Variants in C18orf54 observed in about 807,000 individuals in gnomAD.
C18orf54 encodes the protein lung adenoma susceptibility protein 2.
In C18orf54, 49 loss-of-function variants were observed where a neutral mutation model predicts 49.3. That is an observed-to-expected ratio of 0.99 (90% CI 0.79 to 1.26). The LOEUF is 1.26. Ranked by LOEUF, C18orf54 falls within the 50% of genes most tolerant of loss-of-function variation. C18orf54 has a pLI of 0.00. For synonymous variants in C18orf54, 211 were observed against 216.6 expected, an observed-to-expected ratio of 0.97 and a Z score of 0.23; for missense variants, 687 against 620.6, an observed-to-expected ratio of 1.11 and a Z score of -1.14.
intron 7 of C18orf54, 92 bp downstream of exon 7, chr18:54,372,689 G>A: frequency 8.2e-7 from 1 of 1,219,334 alleles, no homozygotes; most frequent in Non-Finnish European, 1.1e-6. Flanking sequence ...ATAGTTTTAT[G>A]TTAGTAAGCA....
chr18:54,361,465 C>T lies in C18orf54; in HGVS notation c.284-178C>T, dbSNP rs140970674. Among the ~76,000 whole-genome samples the T allele has an allele frequency of 9.3e-4, 141 of 152,132 alleles. 3 individuals carry two copies. The South Asian group carries it at 0.021, about 23-fold the overall frequency. On this transcript the variant is annotated intron_variant, in intron 3 of 8. Transcript: ENST00000620105. ...TAGAAATTAACACAGAACGAAGAAT[C>T]GTGAGAAAAAAAGCACATCCTGTTT...
intron 7 of C18orf54, 84 bp from the exon 8 acceptor site, chr18:54,374,130 T>C: frequency 9.3e-7 from 1 of 1,071,446 alleles, no homozygotes; most frequent in Non-Finnish European, 1.3e-6. Context: ...TATTTTTTAA[T>C]GTTTTAATCA....
In C18orf54 at chr18:54,368,171, C is replaced by T. The variant is rs547286728; in HGVS notation, c.1326+2350C>T. On this transcript the variant is annotated intron_variant, in intron 6 of 8. Transcript: ENST00000620105. ...ACATGATTTTGAATTCTTTTTCCAC[C>T]CATTTGCTGATTTCCTTTTCATTGG... 2.7e-3 allele frequency among the ~76,000 whole-genome samples: 404 copies of T among 151,678 alleles called. 4 individuals are homozygous for T. The highest frequency in any genetic ancestry group is 9.5e-3 in the African/African-American group (392 of 41,376).
chr18:54,376,079 C>A (rs998235147), intron 8 of C18orf54, among the ~76,000 whole-genome samples: 1 of 152,138 alleles, frequency 6.6e-6, no homozygotes, highest in African/African-American at 2.4e-5. Context: ...CAAAATATTT[C>A]AAAAGTTACT....
chr18:54,362,577 A>G, intron 4 of C18orf54, 146 bp downstream of exon 4: 1 of 895,556 alleles, frequency 1.1e-6, no homozygotes, highest in Non-Finnish European at 1.6e-6. Context: ...ATCTTCACAT[A>G]CAGCATTTTG....
intron 5 of C18orf54, chr18:54,363,858 G>A (rs1787835): frequency 0.8 from 121,760 of 151,544 alleles, 49,605 homozygotes; most frequent in African/African-American, 0.95. Flanking sequence ...CAGAATGTAG[G>A]CATTGACTAT....
Position 54,379,992 on chromosome 18 carries a change from C to T in C18orf54, c.*1746C>T, listed in dbSNP as rs960948562. The T allele has an allele frequency of 6.6e-6, 1 of 151,996 alleles. No individual in the cohort carries two copies. The highest frequency in any genetic ancestry group is 2.4e-5 in the African/African-American group (1 of 41,420). 9.4% of individuals were successfully genotyped at this position (151,996 alleles called of 1,614,324 possible). ...ATCTTATAGCCAGTATTTTAAGAAA[C>T]TTGATTATACTTACCAAAGGAACAT... On this transcript the variant is annotated 3_prime_UTR_variant, in exon 9 of 9. Coordinates refer to ENST00000620105, the MANE Select transcript of C18orf54 (RefSeq NM_001288980.2).
rs397802611 is a variant in C18orf54, at chr18:54,379,517, T to TG, written c.*1272dup. 2 of 150,822 alleles carry TG rather than the reference T, an allele frequency of 1.3e-5. No homozygotes were observed. The highest frequency in any genetic ancestry group is 4.9e-5 in the African/African-American group (2 of 41,200). The allele number at this position is 150,822 out of a possible 1,614,324, so 9.3% of individuals were successfully genotyped here. A position where few individuals can be genotyped will look rare whatever the true frequency, so the allele number is the denominator to read the frequency against. ...CTGTGGGGTTTTTTTTTTTTTTTTT[T>TG]GCCCGTGAGTTTTTTACCATGCTGC... On this transcript the variant is annotated 3_prime_UTR_variant, in exon 9 of 9. Coordinates refer to ENST00000620105, the MANE Select transcript of C18orf54 (RefSeq NM_001288980.2).
chr18:54,372,469 T>C lies in C18orf54; in HGVS notation c.1330T>C (p.Cys444Arg). The stretch of plus-strand genomic sequence containing the variant: ...CTATCATCTGTTTTAACCTTAGAGC[T>C]GTACTCTCTCTGGAGGCAAACATCA... ...EDFLNNDNQSCTLSGGKHHGP... is the reference protein window; with the variant it reads ...EDFLNNDNQSRTLSGGKHHGP... The change falls in exon 7 of 9, where the codon TGT becomes CGT. Residue 444 changes from cysteine to arginine, a missense_variant. Physicochemically the swap from Cys to Arg is radical, Grantham distance 180. Coordinates refer to ENST00000620105, the MANE Select transcript of C18orf54 (RefSeq NM_001288980.2). 6.2e-7 allele frequency: 1 copy of C among 1,604,408 alleles called. No individual in the cohort carries two copies. The highest frequency in any genetic ancestry group is 2.2e-5 in the East Asian group (1 of 44,714).
At chr18:54,372,672 C>A (rs1441677251) in intron 7 of C18orf54, 75 bp downstream of exon 7, 2 of 1,352,706 alleles carry the variant, frequency 1.5e-6, no homozygotes, top group Admixed American at 2.1e-5. Context: ...TTTTAATAGA[C>A]CTACTTATAG....
In C18orf54 at chr18:54,378,251, G is replaced by A. The variant is rs1386298174; in HGVS notation, c.*5G>A. On this transcript the variant is annotated 3_prime_UTR_variant, in exon 9 of 9. Transcript: ENST00000620105. Reference sequence around the variant, plus strand: ...GAACGGTCACCGAAAATGTGAAGAGGAAAATGAAACTGTCACCACAATGAA... The same window carrying A: ...GAACGGTCACCGAAAATGTGAAGAGAAAAATGAAACTGTCACCACAATGAA... 1.2e-6 allele frequency: 2 copies of A among 1,611,174 alleles called. No homozygotes were observed. The highest frequency in any genetic ancestry group is 1.7e-6 in the Non-Finnish European group (2 of 1,177,844).
Position 54,378,164 on chromosome 18 carries a change from T to C in C18orf54, c.1530-10T>C, listed in dbSNP as rs1373602910. On this transcript the variant is annotated splice_polypyrimidine_tract_variant and intron_variant, in intron 8 of 8. Transcript: ENST00000620105. ...CTGGTTTATAATGTGTTTTATACTT[T>C]TTAATGAAGGGCTTTGCACCATTTA... 2 of 1,610,236 alleles carry C rather than the reference T, an allele frequency of 1.2e-6. No homozygotes were observed. The highest frequency in any genetic ancestry group is 2.2e-5 in the South Asian group (2 of 90,478).
chr18:54,368,644 C>T (rs2089430263), intron 6 of C18orf54, among the ~76,000 whole-genome samples: 1 of 151,866 alleles, frequency 6.6e-6, no homozygotes. Flanking sequence ...TTAAGGTGAT[C>T]TTTATCCTTA....
intron 6 of C18orf54, among the ~76,000 whole-genome samples, chr18:54,368,012 CTGTGTATTTTCTG>C (rs2089417415): frequency 6.6e-6 from 1 of 151,924 alleles, no homozygotes; most frequent in Admixed American, 6.6e-5. Context: ...GAATTCTTCA[CTGTGTATTTTCTG>C]TTTGGTTCTT....
intron 3 of C18orf54, among the ~76,000 whole-genome samples, 164 bp from the exon 4 acceptor site, chr18:54,361,479 C>T (rs895611953): frequency 3.3e-5 from 5 of 152,168 alleles, no homozygotes; most frequent in Admixed American, 2.0e-4. Context: ...AGAAAAAAAG[C>T]ACATCCTGTT....
Position 54,362,157 on chromosome 18 carries a change from C to CA in C18orf54, c.800dup (p.Asn267LysfsTer7). 1 of 1,536,190 alleles carries CA rather than the reference C, an allele frequency of 6.5e-7. No homozygotes were observed. Among genetic ancestry groups the CA allele is most frequent in the Non-Finnish European group, 8.7e-7 (1 of 1,146,880 alleles). On this transcript the variant is annotated frameshift_variant, in exon 4 of 9. Coordinates refer to ENST00000620105, the MANE Select transcript of C18orf54 (RefSeq NM_001288980.2). LOFTEE classifies it high-confidence loss of function. ...ATTTCAAATACCCAGTCTGGCTGCA[C>CA]AATCAAGACTTGCTACCTGATGCAA...
At position 54,372,446 on chromosome 18, in the gene C18orf54, A is replaced by G. The variant is rs756133590; in HGVS notation, c.1327-20A>G. The G allele has an allele frequency of 4.6e-6, 7 of 1,516,134 alleles. No individual in the cohort carries two copies. The East Asian group carries it at 1.4e-4, about 30-fold the overall frequency. The allele number at this position is 1,516,134 out of a possible 1,614,324, so 93.9% of individuals were successfully genotyped here. On this transcript the variant is annotated intron_variant, in intron 6 of 8. Coordinates refer to ENST00000620105, the MANE Select transcript of C18orf54 (RefSeq NM_001288980.2). The stretch of plus-strand genomic sequence containing the variant: ...GAGCTTGGATGGTTAACTTTATACT[A>G]TCATCTGTTTTAACCTTAGAGCTGT...
At chr18:54,374,387 T>C in intron 8 of C18orf54, 103 bp downstream of exon 8, 2 of 1,240,230 alleles carry the variant, frequency 1.6e-6, no homozygotes, top group Non-Finnish European at 2.1e-6. Context: ...GTAGCACTAC[T>C]AGGCATATTT....
chr18:54,359,211 C>T (rs577637200), intron 2 of C18orf54, among the ~76,000 whole-genome samples: 23 of 152,300 alleles, frequency 1.5e-4, no homozygotes, highest in African/African-American at 4.3e-4. Flanking sequence ...AAATCAGTAG[C>T]CTGTTCGGCA....
Sources: gnomAD v4.1 joint callset for allele counts (sites outside exome capture counted in the v4.1 genomes callset) on GRCh38, gnomAD v4.1.1 for gene constraint, MANE v1.5 for transcripts, NCBI Gene and HGNC (gene_info 2026-07-23, HGNC 2026-07-21) for gene names.